The following CTNNA3 variants were observed in gnomAD, a reference collection of about 807,000 sequenced individuals.
The protein encoded by CTNNA3 is catenin alpha 3, also known as catenin alpha-3.
In CTNNA3, 76 loss-of-function variants were observed where a neutral mutation model predicts 95.7. The ratio of observed to expected loss-of-function variants is 0.79; its 90% CI spans 0.66 to 0.96. The LOEUF (loss-of-function observed/expected upper bound fraction) is 0.96. Ranked by LOEUF, CTNNA3 falls within the 40% of genes least tolerant of loss-of-function variation. The pLI is 0.00. For missense variants in CTNNA3, 1,191 were observed against 1,089.8 expected (o/e 1.09, Z -1.31); for synonymous variants, 431 against 374.4 (o/e 1.15, Z -1.74).
chr10:67,185,666 A>G (rs559389538), intron 6 of CTNNA3, among the ~76,000 whole-genome samples: 50 of 152,116 alleles, frequency 3.3e-4, no homozygotes, highest in African/African-American at 1.1e-3. Flanking sequence ...CACTTTTACC[A>G]CATCTTTCTT....
chr10:66,630,748 T>G (rs1279985063), intron 9 of CTNNA3, among the ~76,000 whole-genome samples: 1 of 148,696 alleles, frequency 6.7e-6, no homozygotes, highest in Non-Finnish European at 1.5e-5. Flanking sequence ...AGCGCTGCTC[T>G]GCTTCCCTTG....
chr10:67,344,497 G>T (rs938409001), intron 5 of CTNNA3, among the ~76,000 whole-genome samples: 3 of 152,108 alleles, frequency 2.0e-5, no homozygotes, highest in Middle Eastern at 3.4e-3. Flanking sequence ...TTTACTAGGA[G>T]ACTTTTACTA....
chr10:66,603,722 G>GA (rs1427579686), intron 10 of CTNNA3, among the ~76,000 whole-genome samples: 1 of 151,954 alleles, frequency 6.6e-6, no homozygotes, highest in African/African-American at 2.4e-5. Flanking sequence ...GTACTAGCAT[G>GA]AAAAAAGGCA....
At chr10:65,994,440 G>A (rs1421708623) in intron 15 of CTNNA3, among the ~76,000 whole-genome samples, 1 of 143,938 alleles carries the variant, frequency 6.9e-6, no homozygotes, top group African/African-American at 2.6e-5. Context: ...TTTTTTTTTT[G>A]GTTTTTCTCC....
chr10:66,124,449 C>G (rs1010511654), intron 13 of CTNNA3, among the ~76,000 whole-genome samples: 1 of 152,180 alleles, frequency 6.6e-6, no homozygotes, highest in Non-Finnish European at 1.5e-5. Flanking sequence ...TCCACACTTT[C>G]CTGTCTTCTT....
At chr10:66,301,298 G>A (rs1385470368) in intron 12 of CTNNA3, among the ~76,000 whole-genome samples, 1 of 151,954 alleles carries the variant, frequency 6.6e-6, no homozygotes, top group East Asian at 1.9e-4. Context: ...GGTGGAAGCA[G>A]AGTGAATACT....
At position 66,685,317 on chromosome 10, in the gene CTNNA3, GTATGTGTGTATATATATA is replaced by G. The variant is rs1174971427; in HGVS notation, c.1282-63551_1282-63534del. ...TATGTGTGTATATATATGTGTGTGT[GTATGTGTGTATATATATA>G]TATATATATATATATATTTTTTTTT... On this transcript the variant is annotated intron_variant, in intron 9 of 17. Coordinates refer to ENST00000433211, the MANE Select transcript of CTNNA3 (RefSeq NM_013266.4). Among the ~76,000 whole-genome samples, 115 of 44,514 alleles carry G rather than the reference GTATGTGTGTATATATATA, an allele frequency of 2.6e-3. 2 individuals carry two copies. The highest frequency in any genetic ancestry group is 6.5e-3 in the Admixed American group (17 of 2,598). The allele number at this position is 44,514 out of a possible 152,430, so 29.2% of individuals were successfully genotyped here. A position where few individuals can be genotyped will look rare whatever the true frequency, so the allele number is the denominator to read the frequency against.
At chr10:66,284,650 T>A (rs937266981) in intron 12 of CTNNA3, among the ~76,000 whole-genome samples, 3 of 151,958 alleles carry the variant, frequency 2.0e-5, no homozygotes, top group Non-Finnish European at 4.4e-5. Context: ...ATTATGGAAT[T>A]AAATAGGTCA....
intron 10 of CTNNA3, among the ~76,000 whole-genome samples, chr10:66,610,346 A>C (rs1844285488): frequency 6.6e-6 from 1 of 152,136 alleles, no homozygotes; most frequent in Non-Finnish European, 1.5e-5. Flanking sequence ...GTTTTTTTAA[A>C]AAGGTCAGAT....
chr10:65,920,402 T>A lies in CTNNA3; in HGVS notation c.2616A>T (p.Arg872Ser). ...GGATTTTTTTCTTTGCTGAGCCTCG[T>A]CTGACAGCTGCACACGTTTCCTCTG... ...EKPEETCAAV[R>S]RGSAKKKIHP... Residue 872 changes from arginine (R) to serine (S), a missense_variant, in exon 18 of 18, where the codon AGA becomes AGT. Coordinates refer to ENST00000433211, the MANE Select transcript of CTNNA3 (RefSeq NM_013266.4). The A allele has an allele frequency of 6.2e-7, 1 of 1,614,168 alleles. No individual in the cohort carries two copies. The highest frequency in any genetic ancestry group is 8.5e-7 in the Non-Finnish European group (1 of 1,180,016).
At chr10:66,869,084 T>A in intron 7 of CTNNA3, among the ~76,000 whole-genome samples, 1 of 152,204 alleles carries the variant, frequency 6.6e-6, no homozygotes, top group East Asian at 1.9e-4. Context: ...GAATCTAGAA[T>A]TCTAGTTTGA....
At chr10:67,449,306 A>G (rs1239626933) in intron 5 of CTNNA3, among the ~76,000 whole-genome samples, 1 of 152,148 alleles carries the variant, frequency 6.6e-6, no homozygotes, top group Non-Finnish European at 1.5e-5. Flanking sequence ...TACCAATAAC[A>G]TTCTTTACAG....
intron 13 of CTNNA3, among the ~76,000 whole-genome samples, chr10:66,252,865 G>A (rs79175221): frequency 6.2e-4 from 94 of 152,154 alleles, no homozygotes; most frequent in East Asian, 4.1e-3. Flanking sequence ...GTTTTAAATC[G>A]TTTTCATATT....
intron 7 of CTNNA3, among the ~76,000 whole-genome samples, chr10:66,826,267 T>C (rs6480224): frequency 0.81 from 123,145 of 152,120 alleles, 49,985 homozygotes; most frequent in Admixed American, 0.86. Flanking sequence ...ATTGAATGTT[T>C]GGTTTGTTTG....
intron 5 of CTNNA3, among the ~76,000 whole-genome samples, chr10:67,223,043 G>A (rs1267948501): frequency 6.6e-6 from 1 of 152,162 alleles, no homozygotes; most frequent in African/African-American, 2.4e-5. Flanking sequence ...GGCAATTACA[G>A]AATCCATGAG....
intron 9 of CTNNA3, among the ~76,000 whole-genome samples, chr10:66,665,010 A>C (rs1162502397): frequency 6.6e-6 from 1 of 152,066 alleles, no homozygotes; most frequent in East Asian, 1.9e-4. Flanking sequence ...AGCGGATAAA[A>C]AATTATGTAA....
chr10:66,000,515 A>T (rs546526867), intron 15 of CTNNA3, among the ~76,000 whole-genome samples: 1 of 152,300 alleles, frequency 6.6e-6, no homozygotes, highest in South Asian at 2.1e-4. Context: ...AAGTTTAATT[A>T]TATTATTTAT....
intron 14 of CTNNA3, among the ~76,000 whole-genome samples, chr10:66,093,406 G>A (rs1262771289): frequency 6.6e-6 from 1 of 151,934 alleles, no homozygotes; most frequent in Non-Finnish European, 1.5e-5. Context: ...AAATCAATAG[G>A]GGCTAAAGTA....
At chr10:66,928,442 G>A (rs1847196492) in intron 7 of CTNNA3, 1 of 1,606,396 alleles carries the variant, frequency 6.2e-7, no homozygotes, top group South Asian at 1.1e-5. Flanking sequence ...TCGGGCTCCA[G>A]GGAGTGTGAG....
Sources: allele counts gnomAD v4.1 joint callset (sites outside exome capture counted in the v4.1 genomes callset), GRCh38; gene constraint gnomAD v4.1.1; transcripts MANE v1.5; gene names NCBI Gene and HGNC (gene_info 2026-07-23, HGNC 2026-07-21).